The following PGPEP1L variants were observed in gnomAD, a reference collection of about 807,000 sequenced individuals.
The protein encoded by PGPEP1L is pyroglutamyl-peptidase I like.
Under a neutral mutation model 6.0 loss-of-function variants are expected in PGPEP1L, and 7 were observed. That is an observed-to-expected ratio of 1.17 (90% CI 0.66 to 2.19). The LOEUF is 2.19. PGPEP1L is among the 30% of genes most tolerant of loss of function. PGPEP1L has a pLI of 0.00. For missense variants in PGPEP1L, 209 were observed against 192.5 expected (o/e 1.09, Z -0.51); for synonymous variants, 103 against 83.9 (o/e 1.23, Z -1.24).
At chr15:98,969,789 C>T in intron 3 of PGPEP1L, 138 bp from the exon 4 acceptor site, 1 of 765,312 alleles carries the variant, frequency 1.3e-6, no homozygotes, top group Non-Finnish European at 2.1e-6. Context: ...CTGGGAAACC[C>T]CAGGATCCCC....
At chr15:98,984,025 T>A (rs756429949) in intron 2 of PGPEP1L, among the ~76,000 whole-genome samples, 1,906 of 148,114 alleles carry the variant, frequency 0.013, 44 homozygotes, top group Non-Finnish European at 0.017. Context: ...TTTTTTTTTT[T>A]TTTTTTTTCT....
intron 1 of PGPEP1L, among the ~76,000 whole-genome samples, chr15:99,006,845 G>A (rs11855713): frequency 0.98 from 148,504 of 152,186 alleles, 72,495 homozygotes; most frequent in East Asian, 1. Context: ...CTTTTTTCCT[G>A]AAGCTGTATA....
intron 2 of PGPEP1L, among the ~76,000 whole-genome samples, chr15:98,989,497 C>T (rs1281665227): frequency 2.0e-5 from 3 of 152,158 alleles, no homozygotes; most frequent in Admixed American, 6.5e-5. Context: ...AACAAATCTA[C>T]GTTTGATTGG....
chr15:98,982,040 G>A (rs2017671854), intron 2 of PGPEP1L, among the ~76,000 whole-genome samples: 1 of 152,144 alleles, frequency 6.6e-6, no homozygotes, highest in African/African-American at 2.4e-5. Context: ...AATGGATTTG[G>A]GGTTTAGCTA....
In PGPEP1L at chr15:99,007,344, G is replaced by A. The variant is rs2018091549; in HGVS notation, c.-370+15C>T. On this transcript the variant is annotated intron_variant, in intron 1 of 4. Transcript: ENST00000535714. ...CCTCCTCTGGTGAGCAGCTCTCCTA[G>A]CTCCTATCACTTACCTAGTTCCGTC... is the stretch of plus-strand genomic sequence containing the variant. 2.0e-5 allele frequency: 3 copies of A among 152,356 alleles called. No homozygotes were observed. Among genetic ancestry groups the A allele is most frequent in the Middle Eastern group, 6.8e-3 (2 of 296 alleles). 9.4% of individuals were successfully genotyped at this position (152,356 alleles called of 1,614,324 possible).
At chr15:98,995,089 C>T (rs1176717910) in intron 2 of PGPEP1L, among the ~76,000 whole-genome samples, 1 of 152,172 alleles carries the variant, frequency 6.6e-6, no homozygotes, top group African/African-American at 2.4e-5. Context: ...CCTTTCATCA[C>T]TTCTGGAATA....
At chr15:98,972,326 C>G (rs1350576557) in intron 2 of PGPEP1L, among the ~76,000 whole-genome samples, 1 of 151,540 alleles carries the variant, frequency 6.6e-6, no homozygotes, top group Non-Finnish European at 1.5e-5. Flanking sequence ...GCACTCCAGC[C>G]TGGGCAACAA....
chr15:98,983,264 C>T (rs2017695482), intron 2 of PGPEP1L, among the ~76,000 whole-genome samples: 2 of 152,016 alleles, frequency 1.3e-5, no homozygotes, highest in Admixed American at 6.6e-5. Flanking sequence ...CCTAAAGCAC[C>T]GTTCAGCTTA....
At chr15:98,971,468 T>C (rs1013453015) in intron 2 of PGPEP1L, among the ~76,000 whole-genome samples, 1 of 152,016 alleles carries the variant, frequency 6.6e-6, no homozygotes, top group Non-Finnish European at 1.5e-5. Flanking sequence ...CGCTCCAGCC[T>C]GGGTGACAGA....
At chr15:99,001,702 AT>A (rs1337112258) in intron 2 of PGPEP1L, among the ~76,000 whole-genome samples, 10 of 149,118 alleles carry the variant, frequency 6.7e-5, no homozygotes, top group Non-Finnish European at 1.2e-4. Context: ...TCATTTATAT[AT>A]TTGTGTTTTT....
At chr15:99,002,963 C>G (rs1555473219) in intron 2 of PGPEP1L, among the ~76,000 whole-genome samples, 3 of 152,158 alleles carry the variant, frequency 2.0e-5, no homozygotes, top group African/African-American at 7.2e-5. Context: ...GGAACCAGTT[C>G]TGGAGAGAAA....
chr15:98,996,406 A>G (rs1294188180), intron 2 of PGPEP1L, among the ~76,000 whole-genome samples: 1 of 152,186 alleles, frequency 6.6e-6, no homozygotes, highest in Non-Finnish European at 1.5e-5. Context: ...AATGCTGATC[A>G]TGAAACTCAC....
At chr15:98,981,508 AAAAACAAAAC>A (rs1455670249) in intron 2 of PGPEP1L, among the ~76,000 whole-genome samples, 3 of 139,668 alleles carry the variant, frequency 2.1e-5, no homozygotes, top group African/African-American at 8.5e-5. Flanking sequence ...AAAAAAAAAC[AAAAACAAAAC>A]AAAAACAACA....
chr15:98,984,588 T>C lies in PGPEP1L; in HGVS notation c.-141-13430A>G, dbSNP rs527683875. Among the ~76,000 whole-genome samples the C allele has an allele frequency of 3.3e-5, 5 of 152,252 alleles. No individual in the cohort carries two copies. In the South Asian group the frequency reaches 1.0e-3, roughly 32 times the overall value. On this transcript the variant is annotated intron_variant, in intron 2 of 4. Transcript: ENST00000535714. ...GTGTAATGGGTCAAATGAACGTCCA[T>C]GAACATTACCTTAATACAGCCACTT...
intron 2 of PGPEP1L, among the ~76,000 whole-genome samples, chr15:98,997,680 A>G (rs1472392851): frequency 6.6e-6 from 1 of 152,146 alleles, no homozygotes; most frequent in African/African-American, 2.4e-5. Context: ...GTGGCTTTAC[A>G]TTACATACTT....
At chr15:98,981,489 C>CAAAAAAA (rs769918543) in intron 2 of PGPEP1L, among the ~76,000 whole-genome samples, 10 of 82,096 alleles carry the variant, frequency 1.2e-4, no homozygotes, top group East Asian at 3.1e-4. Context: ...GACTCCGTCT[C>CAAAAAAA]AAAAAAAAAA....
rs568793204 is a variant in PGPEP1L, at chr15:98,979,633, C to CTTTTTTTTTTTTTTT, written c.-141-8490_-141-8476dup. Reference sequence around the variant, plus strand: ...AACCTGGATGGGATTGGAGACTATTCTTTTTTTTTTTTTTTTTTTTTTTTT... The same window carrying CTTTTTTTTTTTTTTT: ...AACCTGGATGGGATTGGAGACTATTCTTTTTTTTTTTTTTTTTTTTTTTTTTTTTTTTTTTTTTTT... On this transcript the variant is annotated intron_variant, in intron 2 of 4. Coordinates refer to ENST00000535714, the MANE Select transcript of PGPEP1L (RefSeq NM_001167902.2). Among the ~76,000 whole-genome samples, 5 of 46,468 alleles carry CTTTTTTTTTTTTTTT rather than the reference C, an allele frequency of 1.1e-4. 1 individual carries two copies. Among genetic ancestry groups the CTTTTTTTTTTTTTTT allele is most frequent in the Non-Finnish European group, 2.4e-4 (5 of 21,268 alleles). The allele number at this position is 46,468 out of a possible 152,430, so 30.5% of individuals were successfully genotyped here. A position where few individuals can be genotyped will look rare whatever the true frequency, so the allele number is the denominator to read the frequency against.
intron 2 of PGPEP1L, among the ~76,000 whole-genome samples, chr15:98,997,096 G>A (rs1349704541): frequency 6.6e-6 from 1 of 152,116 alleles, no homozygotes; most frequent in African/African-American, 2.4e-5. Flanking sequence ...GAAGGGTTCA[G>A]GATCATCGAG....
chr15:99,001,360 A>T (rs1555472999), intron 2 of PGPEP1L: 3 of 221,206 alleles, frequency 1.4e-5, no homozygotes, highest in Non-Finnish European at 2.8e-5. Context: ...GCACATCTAT[A>T]GGGACAAAGT....
Sources: gnomAD v4.1 joint callset for allele counts (sites outside exome capture counted in the v4.1 genomes callset) on GRCh38, gnomAD v4.1.1 for gene constraint, MANE v1.5 for transcripts, NCBI Gene and HGNC (gene_info 2026-07-23, HGNC 2026-07-21) for gene names.